The following GADL1 variants were observed in gnomAD, a reference collection of about 807,000 sequenced individuals.
The protein encoded by GADL1 is acidic amino acid decarboxylase GADL1.
A neutral mutation model predicts 69.5 loss-of-function variants in GADL1; 71 were observed. That is an observed-to-expected ratio of 1.02 (90% CI 0.84 to 1.25). The LOEUF is 1.25. Among genes scored for constraint, GADL1 ranks in the 50% most tolerant of loss-of-function variants. GADL1 has a pLI of 0.00. For synonymous variants in GADL1, 254 were observed against 214.4 expected (o/e 1.18, Z -1.62); for missense variants, 737 against 631.8 (o/e 1.17, Z -1.79).
At chr3:30,749,452 G>T (rs2125476594) in intron 14 of GADL1, among the ~76,000 whole-genome samples, 1 of 152,298 alleles carries the variant, frequency 6.6e-6, no homozygotes, top group South Asian at 2.1e-4. Context: ...TGACTAATTA[G>T]CTGTCACTAT....
chr3:30,818,716 A>G (rs1017141944), intron 11 of GADL1, among the ~76,000 whole-genome samples: 2 of 152,160 alleles, frequency 1.3e-5, no homozygotes, highest in African/African-American at 4.8e-5. Flanking sequence ...ATCAAATTTA[A>G]CTGAGCCTCC....
intron 14 of GADL1, among the ~76,000 whole-genome samples, chr3:30,756,795 T>C (rs1176150500): frequency 6.6e-6 from 1 of 152,134 alleles, no homozygotes; most frequent in African/African-American, 2.4e-5. Context: ...ACCTGACCCA[T>C]AGCTGATGGC....
At chr3:30,829,876 A>C (rs892514597) in intron 11 of GADL1, among the ~76,000 whole-genome samples, 8 of 152,046 alleles carry the variant, frequency 5.3e-5, no homozygotes, top group African/African-American at 1.9e-4. Flanking sequence ...GTAATTATAC[A>C]CACTATTATG....
chr3:30,762,796 GTT>G (rs995701831), intron 14 of GADL1, among the ~76,000 whole-genome samples: 3 of 151,958 alleles, frequency 2.0e-5, no homozygotes, highest in South Asian at 2.1e-4. Context: ...AGTCTCAATT[GTT>G]TTTGATTTTT....
chr3:30,890,020 TCA>T (rs1442399196), intron 1 of GADL1, among the ~76,000 whole-genome samples: 1 of 152,198 alleles, frequency 6.6e-6, no homozygotes, highest in African/African-American at 2.4e-5. Flanking sequence ...TGAAATGCAT[TCA>T]CATAGTATTC....
intron 9 of GADL1, among the ~76,000 whole-genome samples, chr3:30,836,600 A>AT (rs922943665): frequency 1.3e-5 from 2 of 152,082 alleles, no homozygotes; most frequent in Non-Finnish European, 2.9e-5. Flanking sequence ...TTTGTCTTTA[A>AT]TTAGTTAATA....
At chr3:30,730,465 T>C (rs1199843011) in intron 14 of GADL1, among the ~76,000 whole-genome samples, 1 of 152,176 alleles carries the variant, frequency 6.6e-6, no homozygotes, top group African/African-American at 2.4e-5. Context: ...CACAGGTGTC[T>C]GAGTACTTAC....
At chr3:30,791,420 A>T (rs1032396345) in intron 12 of GADL1, among the ~76,000 whole-genome samples, 8 of 152,136 alleles carry the variant, frequency 5.3e-5, no homozygotes, top group Non-Finnish European at 1.0e-4. Flanking sequence ...CAAATTCCTA[A>T]GCCTTCCTGA....
intron 14 of GADL1, among the ~76,000 whole-genome samples, chr3:30,769,852 C>T (rs1696377692): frequency 1.0e-5 from 1 of 96,400 alleles, no homozygotes; most frequent in South Asian, 3.5e-4. Context: ...GAACTGCTGC[C>T]ATGGAGGAGC....
Position 30,754,719 on chromosome 3 carries a change from CAG to C in GADL1, c.1392+23458_1392+23459del, listed in dbSNP as rs372505866. ...TGGTTCTTCTAAAAGCCGTGGCTGA[CAG>C]AGCAAATTAAGCAGTGAGATGTTTA... On this transcript the variant is annotated intron_variant, in intron 14 of 14. Transcript: ENST00000282538. Among the ~76,000 whole-genome samples the C allele has an allele frequency of 1.1e-3, 175 of 152,238 alleles. 1 individual carries two copies. Among genetic ancestry groups the C allele is most frequent in the African/African-American group, 4.0e-3 (167 of 41,540 alleles).
intron 14 of GADL1, among the ~76,000 whole-genome samples, chr3:30,767,114 T>C (rs1696300162): frequency 6.6e-6 from 1 of 152,166 alleles, no homozygotes; most frequent in African/African-American, 2.4e-5. Context: ...TGCAGGTAGT[T>C]TTTAAATATC....
At chr3:30,847,615 A>T (rs1472330578) in intron 6 of GADL1, among the ~76,000 whole-genome samples, 2 of 152,170 alleles carry the variant, frequency 1.3e-5, no homozygotes, top group African/African-American at 4.8e-5. Context: ...GAAAGGAATG[A>T]GCTGCAAAGT....
intron 14 of GADL1, among the ~76,000 whole-genome samples, chr3:30,750,972 C>T (rs1431396921): frequency 6.6e-6 from 1 of 151,966 alleles, no homozygotes; most frequent in Non-Finnish European, 1.5e-5. Flanking sequence ...AAGAAGCGTG[C>T]TTTGAGAGAA....
At chr3:30,878,239 A>G (rs563667682) in intron 1 of GADL1, among the ~76,000 whole-genome samples, 1 of 152,038 alleles carries the variant, frequency 6.6e-6, no homozygotes, top group South Asian at 2.1e-4. Flanking sequence ...CTAAAGCCTA[A>G]TTTTAAAATT....
At chr3:30,858,629 G>A (rs1047557895) in intron 2 of GADL1, among the ~76,000 whole-genome samples, 2 of 151,972 alleles carry the variant, frequency 1.3e-5, no homozygotes, top group African/African-American at 2.4e-5. Context: ...AGCAGGAGAA[G>A]GATCTGGTTG....
chr3:30,758,069 C>T (rs1696022445), intron 14 of GADL1, among the ~76,000 whole-genome samples: 1 of 152,124 alleles, frequency 6.6e-6, no homozygotes, highest in Admixed American at 6.6e-5. Flanking sequence ...CAGCTTGCCC[C>T]AAAAGCTTCA....
At chr3:30,867,978 A>G (rs530788888) in intron 1 of GADL1, among the ~76,000 whole-genome samples, 2 of 152,184 alleles carry the variant, frequency 1.3e-5, no homozygotes, top group South Asian at 4.1e-4. Context: ...TTCTCTTTGA[A>G]CATATGCACT....
chr3:30,743,721 G>C (rs1290963257), intron 14 of GADL1, among the ~76,000 whole-genome samples: 4 of 152,126 alleles, frequency 2.6e-5, no homozygotes, highest in Non-Finnish European at 5.9e-5. Flanking sequence ...TATGGTTATT[G>C]CCTGTTAAAA....
chr3:30,879,209 G>T (rs376938311), intron 1 of GADL1, among the ~76,000 whole-genome samples: 5 of 151,888 alleles, frequency 3.3e-5, no homozygotes, highest in African/African-American at 1.2e-4. Flanking sequence ...AGAGACTGGG[G>T]TTCTCTCTGA....
Sources: gnomAD v4.1 joint callset for allele counts (sites outside exome capture counted in the v4.1 genomes callset) on GRCh38, gnomAD v4.1.1 for gene constraint, MANE v1.5 for transcripts, NCBI Gene and HGNC (gene_info 2026-07-23, HGNC 2026-07-21) for gene names.